CNTLN: variants seen among roughly 807,000 people sequenced by gnomAD.
CNTLN encodes the protein centlein, centrosomal protein.
Under a neutral mutation model 180.0 loss-of-function variants are expected in CNTLN, and 212 were observed. The ratio of observed to expected loss-of-function variants is 1.18; its 90% confidence interval spans 1.05 to 1.32. The LOEUF is 1.32. Among genes scored for constraint, CNTLN ranks in the 40% most tolerant of loss-of-function variants. The pLI, the probability that CNTLN is intolerant of heterozygous loss-of-function variation, is 0.00. For missense variants in CNTLN, 2,095 were observed against 1,610.9 expected, an observed-to-expected ratio of 1.30 and a Z score of -5.14; for synonymous variants, 722 against 563.1, an observed-to-expected ratio of 1.28 and a Z score of -3.99.
intron 11 of CNTLN, 103 bp from the exon 12 acceptor site, chr9:17,342,222 A>G: frequency 2.6e-6 from 3 of 1,146,728 alleles, no homozygotes; most frequent in Admixed American, 2.3e-5. Flanking sequence ...CTCGAGTTAG[A>G]AATTTGGTCA....
chr9:17,206,188 G>A (rs1013413392), intron 2 of CNTLN, among the ~76,000 whole-genome samples: 1 of 152,148 alleles, frequency 6.6e-6, no homozygotes, highest in African/African-American at 2.4e-5. Flanking sequence ...ACCAATGGGG[G>A]TGGGGTAATA....
At chr9:17,333,031 GC>G (rs757698525) in intron 10 of CNTLN, among the ~76,000 whole-genome samples, 3 of 151,978 alleles carry the variant, frequency 2.0e-5, no homozygotes, top group Non-Finnish European at 4.4e-5. Flanking sequence ...TAGAATTGTA[GC>G]AAGTGAAAAG....
chr9:17,499,348 C>T (rs1333981936), intron 25 of CNTLN, among the ~76,000 whole-genome samples: 1 of 152,132 alleles, frequency 6.6e-6, no homozygotes, highest in African/African-American at 2.4e-5. Flanking sequence ...TAATAACTCT[C>T]AATTAACCAA....
intron 5 of CNTLN, among the ~76,000 whole-genome samples, chr9:17,255,400 G>A (rs1224760641): frequency 2.6e-5 from 4 of 151,550 alleles, no homozygotes; most frequent in African/African-American, 9.7e-5. Context: ...ATCATGAAAG[G>A]GTGTTCAATC....
At chr9:17,325,239 A>G (rs943796625) in intron 8 of CNTLN, among the ~76,000 whole-genome samples, 2 of 149,822 alleles carry the variant, frequency 1.3e-5, no homozygotes, top group East Asian at 3.9e-4. Context: ...TTCAGGATAT[A>G]GATGATTCAG....
chr9:17,210,131 G>A (rs553682345), intron 2 of CNTLN, among the ~76,000 whole-genome samples: 167 of 152,266 alleles, frequency 1.1e-3, no homozygotes, highest in South Asian at 8.5e-3. Context: ...TGTTACATAT[G>A]TATACATGTG....
intron 3 of CNTLN, among the ~76,000 whole-genome samples, chr9:17,232,804 CA>C (rs1824895857): frequency 6.6e-6 from 1 of 151,718 alleles, no homozygotes; most frequent in Non-Finnish European, 1.5e-5. Context: ...GCAAGAATTA[CA>C]AAATACTGAG....
intron 18 of CNTLN, among the ~76,000 whole-genome samples, chr9:17,433,918 A>G (rs547775574): frequency 2.1e-4 from 32 of 152,316 alleles, no homozygotes; most frequent in African/African-American, 7.2e-4. Flanking sequence ...GTTTAGTTAA[A>G]TAACTTTTTG....
intron 10 of CNTLN, among the ~76,000 whole-genome samples, chr9:17,337,008 T>G (rs1309556909): frequency 2.0e-5 from 3 of 152,224 alleles, no homozygotes; most frequent in African/African-American, 7.2e-5. Context: ...ATCACCATTC[T>G]AACTGGCATG....
At chr9:17,243,670 G>C (rs1825627459) in intron 5 of CNTLN, among the ~76,000 whole-genome samples, 1 of 152,140 alleles carries the variant, frequency 6.6e-6, no homozygotes, top group South Asian at 2.1e-4. Context: ...TGTGGTCAGA[G>C]AAGATGCTTG....
downstream of CNTLN, among the ~76,000 whole-genome samples, chr9:17,507,339 G>T: frequency 6.6e-6 from 1 of 152,100 alleles, no homozygotes; most frequent in African/African-American, 2.4e-5. Context: ...TTTTATGGCT[G>T]CATAGTATTC....
At chr9:17,170,957 G>A (rs1473288232) in intron 2 of CNTLN, among the ~76,000 whole-genome samples, 1 of 152,102 alleles carries the variant, frequency 6.6e-6, no homozygotes, top group Non-Finnish European at 1.5e-5. Context: ...GTACAGGTTT[G>A]TAGCTTGAGA....
At chr9:17,517,957 A>G in the CNTLN span, among the ~76,000 whole-genome samples, 17 of 150,074 alleles carry the variant, frequency 1.1e-4, no homozygotes, top group African/African-American at 4.2e-4. Context: ...CCACCCCCCA[A>G]GGAGCCTCTT....
intron 21 of CNTLN, 73 bp from the exon 22 acceptor site, chr9:17,465,908 T>A: frequency 8.5e-7 from 1 of 1,179,792 alleles, no homozygotes; most frequent in Non-Finnish European, 1.2e-6. Flanking sequence ...TCATTTAGTT[T>A]CTGTTGGAAC....
At chr9:17,415,231 C>G (rs947510592) in intron 16 of CNTLN, among the ~76,000 whole-genome samples, 37 of 152,130 alleles carry the variant, frequency 2.4e-4, no homozygotes, top group Non-Finnish European at 8.8e-5. Context: ...GGAAAACATA[C>G]AGCTTCAGGA....
intron 2 of CNTLN, among the ~76,000 whole-genome samples, chr9:17,181,461 G>A (rs1587036505): frequency 6.6e-6 from 1 of 152,152 alleles, no homozygotes; most frequent in Non-Finnish European, 1.5e-5. Flanking sequence ...GCTCATTGAA[G>A]CATTTTCATT....
intron 18 of CNTLN, among the ~76,000 whole-genome samples, chr9:17,428,595 A>G (rs758177473): frequency 1.3e-5 from 2 of 152,016 alleles, no homozygotes; most frequent in Non-Finnish European, 2.9e-5. Flanking sequence ...CAAACTTAGT[A>G]TTTTTCTTAT....
At chr9:17,304,825 G>C (rs569971956) in intron 7 of CNTLN, among the ~76,000 whole-genome samples, 1 of 152,164 alleles carries the variant, frequency 6.6e-6, no homozygotes, top group Non-Finnish European at 1.5e-5. Flanking sequence ...GTAATCCGGA[G>C]ATGGTTTAAA....
intron 2 of CNTLN, among the ~76,000 whole-genome samples, chr9:17,214,043 A>T (rs1349007473): frequency 6.6e-6 from 1 of 152,152 alleles, no homozygotes; most frequent in Admixed American, 6.5e-5. Flanking sequence ...TGGAGCATTT[A>T]GCCCATTTAC....
Sources: allele counts gnomAD v4.1 joint callset (sites outside exome capture counted in the v4.1 genomes callset), GRCh38; gene constraint gnomAD v4.1.1; transcripts MANE v1.5; gene names NCBI Gene and HGNC (gene_info 2026-07-23, HGNC 2026-07-21).